HECW1: variants seen among roughly 807,000 people sequenced by gnomAD.
HECW1 encodes E3 ubiquitin-protein ligase HECW1.
A neutral mutation model predicts 182.3 loss-of-function variants in HECW1; 61 were observed. That is an observed-to-expected ratio of 0.33 (90% confidence interval 0.27 to 0.41). The LOEUF (loss-of-function observed/expected upper bound fraction) is 0.41, where lower values mean the gene tolerates loss of function less well. HECW1 is among the 10% of genes least tolerant of loss of function. The pLI is 1.00. For synonymous variants in HECW1, 859 were observed against 832.6 expected (o/e 1.03, Z -0.55); for missense variants, 1,739 against 2,108.9 (o/e 0.82, Z 3.44).
chr7:43,500,551 T>C (rs2079305872), intron 19 of HECW1, 148 bp from the exon 20 acceptor site: 1 of 659,500 alleles, frequency 1.5e-6, no homozygotes, highest in Non-Finnish European at 2.7e-6. Flanking sequence ...GAGCCTGTGA[T>C]ACAAACTTAG....
chr7:43,143,355 C>T (rs1164253088), intron 2 of HECW1, among the ~76,000 whole-genome samples: 5 of 152,166 alleles, frequency 3.3e-5, no homozygotes, highest in Admixed American at 2.6e-4. Flanking sequence ...TTGATCACAG[C>T]TAACTGCAGC....
At chr7:43,147,911 G>A (rs1031414314) in intron 2 of HECW1, among the ~76,000 whole-genome samples, 8 of 152,180 alleles carry the variant, frequency 5.3e-5, no homozygotes, top group African/African-American at 1.7e-4. Flanking sequence ...ACTAGGCCAG[G>A]TGTATAATAA....
chr7:43,169,217 G>A (rs1051748837), intron 2 of HECW1, among the ~76,000 whole-genome samples: 4 of 152,270 alleles, frequency 2.6e-5, no homozygotes, highest in African/African-American at 9.6e-5. Context: ...ACTACATTTT[G>A]ATGATAAGTT....
At chr7:43,292,188 G>A (rs1290993888) in intron 3 of HECW1, among the ~76,000 whole-genome samples, 1 of 152,202 alleles carries the variant, frequency 6.6e-6, no homozygotes, top group African/African-American at 2.4e-5. Flanking sequence ...ATATTTTGGG[G>A]TGGCATATTC....
At chr7:43,509,376 G>C in intron 24 of HECW1, 1 of 386,068 alleles carries the variant, frequency 2.6e-6, no homozygotes, top group South Asian at 4.4e-5. Context: ...CTGAGAAGAC[G>C]CTAAGATCAG....
At position 43,153,928 on chromosome 7, in the gene HECW1, G is replaced by A. The variant is rs143148994; in HGVS notation, c.-32+39537G>A. 4.0e-3 allele frequency among the ~76,000 whole-genome samples: 606 copies of A among 151,976 alleles called. 5 individuals carry two copies. The Middle Eastern group carries it at 0.048, about 12-fold the overall frequency. ...TTTTTGTTGATGAGATAAATGAGAT[G>A]TTTACTTTTTGAAGATTGTAATTTT... On this transcript the variant is annotated intron_variant, in intron 2 of 29. Coordinates refer to ENST00000395891, the MANE Select transcript of HECW1 (RefSeq NM_015052.5).
intron 12 of HECW1, among the ~76,000 whole-genome samples, chr7:43,455,128 T>C (rs1257366030): frequency 9.9e-6 from 1 of 101,332 alleles, no homozygotes; most frequent in Non-Finnish European, 2.3e-5. Context: ...TTTTGTTTTC[T>C]TTTTTTTTGT....
At chr7:43,425,426 A>G (rs144516374) in intron 8 of HECW1, among the ~76,000 whole-genome samples, 1 of 152,276 alleles carries the variant, frequency 6.6e-6, no homozygotes, top group African/African-American at 2.4e-5. Flanking sequence ...ACTTGTATTT[A>G]TAAGTAATCC....
At chr7:43,173,825 A>C (rs1791933260) in intron 2 of HECW1, among the ~76,000 whole-genome samples, 1 of 150,528 alleles carries the variant, frequency 6.6e-6, no homozygotes, top group Non-Finnish European at 1.5e-5. Context: ...TCCACCACCC[A>C]GGTGCCTGTT....
intron 6 of HECW1, among the ~76,000 whole-genome samples, chr7:43,388,018 C>T (rs149021490): frequency 0.012 from 1,847 of 152,300 alleles, 20 homozygotes; most frequent in Admixed American, 0.031. Context: ...CAGTGAGATA[C>T]GTTTTATTAT....
chr7:43,284,998 ATT>A (rs55642652), intron 3 of HECW1, among the ~76,000 whole-genome samples: 6 of 145,404 alleles, frequency 4.1e-5, no homozygotes, highest in South Asian at 2.2e-4. Flanking sequence ...TTCTGTATGG[ATT>A]TTTTTTTTTT....
chr7:43,256,588 A>G (rs1800601164), intron 3 of HECW1, among the ~76,000 whole-genome samples: 1 of 151,398 alleles, frequency 6.6e-6, no homozygotes, highest in Non-Finnish European at 1.5e-5. Context: ...TAGCCTGGGC[A>G]AAAAGAGGGA....
chr7:43,376,329 C>T (rs562478350), intron 6 of HECW1, among the ~76,000 whole-genome samples: 20 of 152,208 alleles, frequency 1.3e-4, no homozygotes, highest in African/African-American at 4.6e-4. Flanking sequence ...AAAGGAAGGG[C>T]TTTTTGATCA....
intron 8 of HECW1, among the ~76,000 whole-genome samples, chr7:43,422,653 G>A (rs2076223771): frequency 6.6e-6 from 1 of 152,230 alleles, no homozygotes; most frequent in East Asian, 1.9e-4. Context: ...ACAAGCATGA[G>A]CCACAGCACC....
At chr7:43,210,290 AG>A (rs1795890428) in intron 2 of HECW1, among the ~76,000 whole-genome samples, 1 of 152,090 alleles carries the variant, frequency 6.6e-6, no homozygotes, top group Admixed American at 6.6e-5. Context: ...GTCATTGAAA[AG>A]GTGCATTGTG....
Position 43,445,136 on chromosome 7 carries a change from G to A in HECW1, c.1964G>A (p.Gly655Glu). ...GATGGCGACACGCACCCCAGCACCG[G>A]GAGCGAGAGCGACTCCAGCCCCAGG... ...AQDGDTHPST[G>E]SESDSSPRQG... The change falls in exon 11 of 30, where the codon GGG (glycine) becomes GAG (glutamate). Residue 655 changes from glycine (G) to glutamate (E), a missense_variant. Around this residue, in one of 5 missense-constraint regions of HECW1, gnomAD observed 971 missense variants for 1,029.1 expected, o/e 0.94. Transcript: ENST00000395891. The A allele has an allele frequency of 6.2e-7, 1 of 1,609,906 alleles. No individual in the cohort carries two copies. The highest frequency in any genetic ancestry group is 8.5e-7 in the Non-Finnish European group (1 of 1,178,796).
intron 2 of HECW1, among the ~76,000 whole-genome samples, chr7:43,236,163 G>A (rs1402492572): frequency 6.6e-6 from 1 of 152,202 alleles, no homozygotes; most frequent in East Asian, 1.9e-4. Flanking sequence ...AACTTCATGT[G>A]TGGGCATATG....
chr7:43,470,453 C>T (rs1003279927), intron 16 of HECW1, among the ~76,000 whole-genome samples: 1 of 152,164 alleles, frequency 6.6e-6, no homozygotes, highest in Non-Finnish European at 1.5e-5. Flanking sequence ...ACAGGGAGCA[C>T]AGTGGAATGA....
chr7:43,178,574 T>A (rs1792495672), intron 2 of HECW1, among the ~76,000 whole-genome samples: 1 of 152,216 alleles, frequency 6.6e-6, no homozygotes, highest in Non-Finnish European at 1.5e-5. Flanking sequence ...TCACATGTGT[T>A]GAGCTCCTCA....
Sources: gnomAD v4.1 joint callset for allele counts (sites outside exome capture counted in the v4.1 genomes callset) on GRCh38, gnomAD v4.1.1 for gene constraint, gnomAD v4.1.1 regional missense constraint, MANE v1.5 for transcripts, NCBI Gene and HGNC (gene_info 2026-07-23, HGNC 2026-07-21) for gene names.